The following TERT variants were observed in gnomAD, a reference collection of about 807,000 sequenced individuals.
TERT encodes the protein telomerase catalytic subunit.
TERT carries 42 observed loss-of-function variants against 104.0 expected under a neutral mutation model. The ratio of observed to expected loss-of-function variants is 0.40; its 90% CI spans 0.32 to 0.52. TERT has a LOEUF of 0.52. Among genes scored for constraint, TERT ranks in the 20% least tolerant of loss-of-function variants. TERT has a pLI of 0.43. For synonymous variants in TERT, 781 were observed against 725.6 expected, an observed-to-expected ratio of 1.08 and a Z score of -1.23; for missense variants, 1,101 against 1,610.3, an observed-to-expected ratio of 0.68 and a Z score of 5.41.
intron 13 of TERT, 132 bp downstream of exon 13, chr5:1,258,466 A>G: frequency 1.2e-6 from 1 of 802,422 alleles, no homozygotes; most frequent in South Asian, 1.4e-5. Context: ...CACAGGCAGC[A>G]GCACCACTGA....
Position 1,264,705 on chromosome 5 carries a change from G to T in TERT, c.2655-113C>A, listed in dbSNP as rs111628067. On this transcript the variant is annotated intron_variant, in intron 10 of 15. Coordinates refer to ENST00000310581, the MANE Select transcript of TERT (RefSeq NM_198253.3). ...CCCAGAGAAGTGGTGATTTGGAGCA[G>T]GGTGCTGGGCCTGGCAGGAGCTCTG... 3.3e-5 allele frequency: 44 copies of T among 1,323,488 alleles called. No individual in the cohort carries two copies. In the African/African-American group the frequency reaches 5.9e-4, roughly 18 times the overall value. The allele number at this position is 1,323,488 out of a possible 1,614,324, so 82.0% of individuals were successfully genotyped here. A position where few individuals can be genotyped will look rare whatever the true frequency, so the allele number is the denominator to read the frequency against.
chr5:1,282,373 C>T, intron 3 of TERT, 56 bp downstream of exon 3: 1 of 1,580,684 alleles, frequency 6.3e-7, no homozygotes, highest in Non-Finnish European at 8.7e-7. Context: ...CATGCTGAGG[C>T]CGGGCTGGTG....
rs1295119853 is a variant in TERT at position 1,257,396 on chromosome 5, A to G, written c.3032+1202T>C. Among the ~76,000 whole-genome samples the G allele has an allele frequency of 1.3e-5, 2 of 152,176 alleles. No homozygotes were observed. The highest frequency in any genetic ancestry group is 4.8e-5 in the African/African-American group (2 of 41,456). On this transcript the variant is annotated intron_variant, in intron 13 of 15. Coordinates refer to ENST00000310581, the MANE Select transcript of TERT (RefSeq NM_198253.3). The surrounding 1 kb of genome is among the most constrained non-coding windows in gnomAD (Gnocchi z 5.6). ...GGACCCTGGGGTCAACCACAGTGTCAGACACCTCCAGTCCTCAGTGGCACC... is the reference window on the plus strand; with the variant it reads ...GGACCCTGGGGTCAACCACAGTGTCGGACACCTCCAGTCCTCAGTGGCACC...
chr5:1,276,928 C>T (rs906545394), intron 6 of TERT, among the ~76,000 whole-genome samples: 3 of 152,212 alleles, frequency 2.0e-5, no homozygotes, highest in Non-Finnish European at 4.4e-5. Flanking sequence ...AGCACAAAAG[C>T]AAGACACACA....
rs1158069662 is a variant in TERT at position 1,256,855 on chromosome 5, G to A, written c.3033-1444C>T. Among the ~76,000 whole-genome samples, 1 of 152,200 alleles carries A rather than the reference G, an allele frequency of 6.6e-6. No individual in the cohort carries two copies. The highest frequency in any genetic ancestry group is 2.4e-5 in the African/African-American group (1 of 41,450). ...GAGAAATAGCCACCTGCTAGAGGTCGGGGCGTCCACCCCAAGCCCGTGTGG... is the reference window on the plus strand; with the variant it reads ...GAGAAATAGCCACCTGCTAGAGGTCAGGGCGTCCACCCCAAGCCCGTGTGG... On this transcript the variant is annotated intron_variant, in intron 13 of 15. Coordinates refer to ENST00000310581, the MANE Select transcript of TERT (RefSeq NM_198253.3). This position sits in a 1 kb window ranked among gnomAD's most constrained non-coding sequence, Gnocchi z 7.0.
chr5:1,281,844 T>C (rs1579579263), intron 3 of TERT, among the ~76,000 whole-genome samples: 1 of 152,118 alleles, frequency 6.6e-6, no homozygotes, highest in Admixed American at 6.6e-5. Context: ...ACCCAGCACT[T>C]TGGGAGGCCA....
At chr5:1,279,147 C>T in intron 5 of TERT, 144 bp downstream of exon 5, 1 of 946,994 alleles carries the variant, frequency 1.1e-6, no homozygotes, top group Non-Finnish European at 1.6e-6. Context: ...ACCCTAGGTG[C>T]CAGGTGTGTC....
At position 1,274,127 on chromosome 5, in the gene TERT, C is replaced by T. The variant is rs1032232911; in HGVS notation, c.2287-1847G>A. On this transcript the variant is annotated intron_variant, in intron 6 of 15. Coordinates refer to ENST00000310581, the MANE Select transcript of TERT (RefSeq NM_198253.3). The surrounding 1 kb of genome is among the most constrained non-coding windows in gnomAD (Gnocchi z 5.3). Reference sequence around the variant, plus strand: ...CTCGAGCTTGTGAGGCATCAAAAGACGCGCACGGTGACTCTGTGCTTCAGC... The same window carrying T: ...CTCGAGCTTGTGAGGCATCAAAAGATGCGCACGGTGACTCTGTGCTTCAGC... 5.3e-5 allele frequency among the ~76,000 whole-genome samples: 8 copies of T among 152,332 alleles called. No individual in the cohort carries two copies. The highest frequency in any genetic ancestry group is 1.9e-4 in the East Asian group (1 of 5,178).
In TERT at chr5:1,288,506, G is replaced by T. The variant is rs537793879; in HGVS notation, c.1573+4807C>A. 6.6e-6 allele frequency among the ~76,000 whole-genome samples: 1 copy of T among 152,122 alleles called. No individual in the cohort carries two copies. Among genetic ancestry groups the T allele is most frequent in the Non-Finnish European group, 1.5e-5 (1 of 68,026 alleles). On this transcript the variant is annotated intron_variant, in intron 2 of 15. Transcript: ENST00000310581. This position sits in a 1 kb window ranked among gnomAD's most constrained non-coding sequence, Gnocchi z 5.3. ...GAGACACTCCAACCTGTGGCTGGAC[G>T]TCAATCCATGTGAGGGGGCGACTGG...
rs1323875756 is a variant in TERT, at chr5:1,268,217, C to T, written c.2582+303G>A. Among the ~76,000 whole-genome samples, 1 of 152,238 alleles carries T rather than the reference C, an allele frequency of 6.6e-6. No individual in the cohort carries two copies. The highest frequency in any genetic ancestry group is 1.5e-5 in the Non-Finnish European group (1 of 68,046). On this transcript the variant is annotated intron_variant, in intron 9 of 15. Coordinates refer to ENST00000310581, the MANE Select transcript of TERT (RefSeq NM_198253.3). This position sits in a 1 kb window ranked among gnomAD's most constrained non-coding sequence, Gnocchi z 5.5. Reference sequence around the variant, plus strand: ...CCCTAACGGAACCTGGGTGACGTGACAGAAGCTGGTGTGCTTCCTCGGTGT... The same window carrying T: ...CCCTAACGGAACCTGGGTGACGTGATAGAAGCTGGTGTGCTTCCTCGGTGT...
chr5:1,280,270 C>G lies in TERT; in HGVS notation c.1838G>C (p.Arg613Thr). 1 of 1,613,746 alleles carries G rather than the reference C, an allele frequency of 6.2e-7. No individual in the cohort carries two copies. The change falls in exon 4 of 16, where the codon AGG becomes ACG. Residue 613 changes from arginine to threonine, a missense_variant. Physicochemically the swap from Arg to Thr is moderately conservative, Grantham distance 71. This residue lies in a region of TERT where 463 missense variants were observed against 797.5 expected (regional missense o/e 0.58). Transcript: ENST00000310581. ...EAEVRQHREA[R>T]PALLTSRLRF... ...GAGTCTGGACGTCAGCAGGGCGGGCCTGGCTTCCCGATGCTGCCTGACCTC... is the reference window on the plus strand; with the variant it reads ...GAGTCTGGACGTCAGCAGGGCGGGCGTGGCTTCCCGATGCTGCCTGACCTC...
At chr5:1,291,351 C>A (rs370223266) in intron 2 of TERT, among the ~76,000 whole-genome samples, 11 of 31,058 alleles carry the variant, frequency 3.5e-4, no homozygotes, top group African/African-American at 4.0e-4. Flanking sequence ...ACCCGGGGAC[C>A]GCGCCTCACT....
chr5:1,294,317 G>T lies in TERT; in HGVS notation c.569C>A (p.Ala190Asp). 6.3e-7 allele frequency: 1 copy of T among 1,590,318 alleles called. No homozygotes were observed. Residue 190 changes from alanine to aspartate, a missense_variant, in exon 2 of 16, where the codon GCT becomes GAT. Around this residue, in one of 5 missense-constraint regions of TERT, gnomAD observed 504 missense variants for 544.6 expected, o/e 0.93. Coordinates refer to ENST00000310581, the MANE Select transcript of TERT (RefSeq NM_198253.3). The stretch of plus-strand genomic sequence containing the variant: ...TCCCAGACGCCTTCGGGGTCCACTA[G>T]CGTGTGGCGGGGGCCGGGCCTGAGT... ...AATQARPPPH[A>D]SGPRRRLGCE...
chr5:1,264,151 GCA>G, intron 11 of TERT: 1 of 552,222 alleles, frequency 1.8e-6, no homozygotes, highest in Non-Finnish European at 3.3e-6. Context: ...ACACCTCAGT[GCA>G]CCCAGGTCTG....
rs114616103 is a variant in TERT, at chr5:1,292,843, C to T, written c.1573+470G>A. The stretch of plus-strand genomic sequence containing the variant: ...CACACAATTAAATCTTAAACACAAA[C>T]CTGCATATTGGCTGACCACGTGCAC... On this transcript the variant is annotated intron_variant, in intron 2 of 15. Coordinates refer to ENST00000310581, the MANE Select transcript of TERT (RefSeq NM_198253.3). This position sits in a 1 kb window ranked among gnomAD's most constrained non-coding sequence, Gnocchi z 5.5. 0.026 allele frequency among the ~76,000 whole-genome samples: 3,927 copies of T among 152,320 alleles called. 61 individuals are homozygous for T. Among genetic ancestry groups the T allele is most frequent in the Non-Finnish European group, 0.031 (2,134 of 68,034 alleles).
rs954349916 is a variant in TERT, at chr5:1,269,038, C to T, written c.2469-405G>A. On this transcript the variant is annotated intron_variant, in intron 8 of 15. Coordinates refer to ENST00000310581, the MANE Select transcript of TERT (RefSeq NM_198253.3). This position sits in a 1 kb window ranked among gnomAD's most constrained non-coding sequence, Gnocchi z 9.0. Reference sequence around the variant, plus strand: ...CTCATGACCCTACATGTAGCCGCTGCGCGCCAACGGATACAACCTTGCCCC... The same window carrying T: ...CTCATGACCCTACATGTAGCCGCTGTGCGCCAACGGATACAACCTTGCCCC... Among the ~76,000 whole-genome samples the T allele has an allele frequency of 6.6e-6, 1 of 151,974 alleles. No individual in the cohort carries two copies. The highest frequency in any genetic ancestry group is 3.4e-3 in the Middle Eastern group (1 of 294).
At position 1,274,832 on chromosome 5, in the gene TERT, C is replaced by A. The variant is rs1399880556; in HGVS notation, c.2287-2552G>T. On this transcript the variant is annotated intron_variant, in intron 6 of 15. Coordinates refer to ENST00000310581, the MANE Select transcript of TERT (RefSeq NM_198253.3). The surrounding 1 kb of genome is among the most constrained non-coding windows in gnomAD (Gnocchi z 5.3). ...AAAAGAAAGTTCAAACATCCATAAT[C>A]GAAACTTTTCCTTCAAGGAGCCGGA... 6.6e-6 allele frequency among the ~76,000 whole-genome samples: 1 copy of A among 152,158 alleles called. No individual in the cohort carries two copies. The highest frequency in any genetic ancestry group is 1.5e-5 in the Non-Finnish European group (1 of 68,044).
chr5:1,278,938 T>A (rs1749809371), intron 5 of TERT, 142 bp from the exon 6 acceptor site: 1 of 1,208,398 alleles, frequency 8.3e-7, no homozygotes, highest in Non-Finnish European at 1.2e-6. Context: ...GGGCGGGCTG[T>A]GTCCCCTCTC....
chr5:1,279,823 G>T (rs1749892470), intron 4 of TERT, among the ~76,000 whole-genome samples: 1 of 152,166 alleles, frequency 6.6e-6, no homozygotes. Flanking sequence ...CTGGTCCCCG[G>T]GCCCCGTAAG....
Sources: allele counts gnomAD v4.1 joint callset (sites outside exome capture counted in the v4.1 genomes callset), GRCh38; gene constraint gnomAD v4.1.1; regional missense constraint gnomAD v4.1.1; non-coding constraint Gnocchi (gnomAD v3.1); transcripts MANE v1.5; gene names NCBI Gene and HGNC (gene_info 2026-07-23, HGNC 2026-07-21).